SLC16A7: variants seen among roughly 807,000 people sequenced by gnomAD.
SLC16A7 encodes solute carrier family 16 member 7.
SLC16A7 carries 33 observed loss-of-function variants against 34.9 expected under a neutral mutation model. That is an observed-to-expected ratio of 0.94 (90% CI 0.72 to 1.26). SLC16A7 has a LOEUF of 1.26. Ranked by LOEUF, SLC16A7 falls within the 50% of genes most tolerant of loss-of-function variation. The pLI is 0.00. For synonymous variants in SLC16A7, 201 were observed against 206.6 expected, an observed-to-expected ratio of 0.97 and a Z score of 0.23; for missense variants, 573 against 578.1, an observed-to-expected ratio of 0.99 and a Z score of 0.09.
At chr12:59,644,790 A>G (rs1880837235) in intron 1 of SLC16A7, among the ~76,000 whole-genome samples, 1 of 152,126 alleles carries the variant, frequency 6.6e-6, no homozygotes, top group Non-Finnish European at 1.5e-5. Context: ...TTTCTTTATA[A>G]CGGATAGAAA....
At chr12:59,748,019 A>G (rs932706151) in intron 3 of SLC16A7, among the ~76,000 whole-genome samples, 2 of 152,116 alleles carry the variant, frequency 1.3e-5, no homozygotes, top group African/African-American at 4.8e-5. Context: ...CCTGGCCAAT[A>G]TGGTGAAACC....
chr12:59,752,868 A>G (rs1238706343), intron 3 of SLC16A7, among the ~76,000 whole-genome samples: 21 of 152,210 alleles, frequency 1.4e-4, no homozygotes, highest in Non-Finnish European at 1.5e-5. Flanking sequence ...AGATCGGGTT[A>G]CCCACAAAGG....
intron 3 of SLC16A7, among the ~76,000 whole-genome samples, chr12:59,757,335 T>C (rs1880493541): frequency 6.6e-6 from 1 of 152,124 alleles, no homozygotes; most frequent in African/African-American, 2.4e-5. Context: ...CAAACCACCA[T>C]GGCACGTGTA....
intron 3 of SLC16A7, among the ~76,000 whole-genome samples, chr12:59,744,828 CA>C (rs1647461999): frequency 6.6e-6 from 1 of 152,160 alleles, no homozygotes; most frequent in African/African-American, 2.4e-5. Context: ...GCGCTTGCCC[CA>C]ACTCCTGTAC....
chr12:59,652,972 T>G lies in SLC16A7; in HGVS notation c.-129-2180T>G, dbSNP rs576910317. 2.3e-4 allele frequency among the ~76,000 whole-genome samples: 35 copies of G among 151,986 alleles called. 1 individual carries two copies. In the South Asian group the frequency reaches 6.4e-3, roughly 28 times the overall value. On this transcript the variant is annotated intron_variant, in intron 1 of 5. Transcript: ENST00000547379. The stretch of plus-strand genomic sequence containing the variant: ...CAAATAGAAAACATTTTACTTCATT[T>G]TAGCTACCTTTCTTTTTAAAAAATC...
At chr12:59,776,632 A>G (rs989530009) in intron 5 of SLC16A7, among the ~76,000 whole-genome samples, 1 of 152,140 alleles carries the variant, frequency 6.6e-6, no homozygotes, top group African/African-American at 2.4e-5. Context: ...GAAAGTGTGA[A>G]AAGTTATGTT....
intron 3 of SLC16A7, among the ~76,000 whole-genome samples, chr12:59,729,196 C>T (rs144967684): frequency 1.8e-3 from 267 of 152,208 alleles, no homozygotes; most frequent in East Asian, 7.7e-3. Flanking sequence ...ATTTATTCTT[C>T]GTATTAAGGT....
At chr12:59,663,091 G>A (rs1868944599) in intron 2 of SLC16A7, among the ~76,000 whole-genome samples, 1 of 151,878 alleles carries the variant, frequency 6.6e-6, no homozygotes, top group Non-Finnish European at 1.5e-5. Flanking sequence ...TACAAAATAA[G>A]TACAAAATAC....
intron 2 of SLC16A7, among the ~76,000 whole-genome samples, chr12:59,671,800 T>A (rs184308983): frequency 7.0e-6 from 1 of 142,426 alleles, no homozygotes; most frequent in Admixed American, 7.2e-5. Flanking sequence ...TGTATATATG[T>A]ATATATGTGT....
At chr12:59,717,282 C>T (rs1259260251) in intron 3 of SLC16A7, among the ~76,000 whole-genome samples, 3 of 152,102 alleles carry the variant, frequency 2.0e-5, no homozygotes, top group African/African-American at 4.8e-5. Flanking sequence ...TTTTAATAAC[C>T]TTAGTTACAG....
intron 1 of SLC16A7, among the ~76,000 whole-genome samples, chr12:59,634,483 G>A (rs981649804): frequency 6.6e-6 from 1 of 152,026 alleles, no homozygotes; most frequent in Admixed American, 6.6e-5. Flanking sequence ...GTAGGGGTTA[G>A]TAGGTGGAAA....
chr12:59,683,950 T>C (rs1025602297), intron 2 of SLC16A7, among the ~76,000 whole-genome samples: 3 of 152,218 alleles, frequency 2.0e-5, no homozygotes, highest in African/African-American at 7.2e-5. Flanking sequence ...TAGATGAGGT[T>C]CAGTGGCTTT....
At chr12:59,679,557 T>C (rs2137070077) in intron 2 of SLC16A7, among the ~76,000 whole-genome samples, 1 of 152,320 alleles carries the variant, frequency 6.6e-6, no homozygotes, top group Middle Eastern at 3.4e-3. Flanking sequence ...GTTAGGTTAT[T>C]CTCCTCTTAG....
Position 59,771,208 on chromosome 12 carries a change from C to T in SLC16A7, c.218-11C>T. On this transcript the variant is annotated splice_polypyrimidine_tract_variant and intron_variant, in intron 3 of 5. Coordinates refer to ENST00000547379, the MANE Select transcript of SLC16A7 (RefSeq NM_001270623.2). ...GCAACTGAGTATTTCTTTATCTCCT[C>T]TCTGCTGTAGGTCCTGTAAGTAGTG... The T allele has an allele frequency of 1.2e-6, 2 of 1,604,216 alleles. No homozygotes were observed. The highest frequency in any genetic ancestry group is 1.7e-5 in the Admixed American group (1 of 57,906).
At chr12:59,759,232 A>T (rs1384373560) in intron 3 of SLC16A7, among the ~76,000 whole-genome samples, 1 of 152,002 alleles carries the variant, frequency 6.6e-6, no homozygotes, top group Non-Finnish European at 1.5e-5. Flanking sequence ...TTGAGTTAAA[A>T]TCAATCCATC....
intron 3 of SLC16A7, among the ~76,000 whole-genome samples, chr12:59,723,768 T>C (rs1243954462): frequency 6.6e-6 from 1 of 152,158 alleles, no homozygotes; most frequent in East Asian, 1.9e-4. Flanking sequence ...AATACTCTTA[T>C]AAGATCTGAA....
chr12:59,758,344 C>G (rs1457396396), intron 3 of SLC16A7, among the ~76,000 whole-genome samples: 1 of 152,002 alleles, frequency 6.6e-6, no homozygotes, highest in Non-Finnish European at 1.5e-5. Flanking sequence ...TATTTTCCAG[C>G]AGATACTGTA....
intron 3 of SLC16A7, among the ~76,000 whole-genome samples, chr12:59,733,135 C>T (rs1290154118): frequency 1.3e-5 from 2 of 152,180 alleles, no homozygotes; most frequent in African/African-American, 2.4e-5. Context: ...GTCATGGCAT[C>T]CTTAGGGGTA....
At position 59,774,797 on chromosome 12, in the gene SLC16A7, C is replaced by T. The variant is rs200801555; in HGVS notation, c.502C>T (p.Leu168Phe). ...LSSLAPFNQY[L>F]FNTFGWKGSF... is the part of the protein sequence containing the mutation. The stretch of plus-strand genomic sequence containing the variant: ...TTCATTGGCTCCTTTCAATCAGTAC[C>T]TTTTTAATACTTTTGGCTGGAAAGG... The change falls in exon 5 of 6, where the codon CTT becomes TTT. Residue 168 changes from leucine to phenylalanine, a missense_variant. Leu to Phe is a conservative substitution (Grantham distance 22). Transcript: ENST00000547379. The T allele has an allele frequency of 2.5e-6, 4 of 1,613,802 alleles. No individual in the cohort carries two copies. The highest frequency in any genetic ancestry group is 2.5e-6 in the Non-Finnish European group (3 of 1,179,900).
Sources: gnomAD v4.1 joint callset for allele counts (sites outside exome capture counted in the v4.1 genomes callset) on GRCh38, gnomAD v4.1.1 for gene constraint, MANE v1.5 for transcripts, NCBI Gene and HGNC (gene_info 2026-07-23, HGNC 2026-07-21) for gene names.